ZFAT: variants seen among roughly 807,000 people sequenced by gnomAD.
The protein encoded by ZFAT is zinc finger protein ZFAT.
In ZFAT, 64 loss-of-function variants were observed where a neutral mutation model predicts 117.7. The observed-to-expected ratio is 0.54, with a 90% CI of 0.44 to 0.67. ZFAT has a LOEUF of 0.67. Among genes scored for constraint, ZFAT ranks in the 30% least tolerant of loss-of-function variants. ZFAT has a pLI of 0.00. For synonymous variants in ZFAT, 679 were observed against 615.0 expected, an observed-to-expected ratio of 1.10 and a Z score of -1.54; for missense variants, 1,433 against 1,584.5, an observed-to-expected ratio of 0.90 and a Z score of 1.62.
intron 12 of ZFAT, among the ~76,000 whole-genome samples, chr8:134,523,515 C>G (rs1451339575): frequency 6.6e-6 from 1 of 152,190 alleles, no homozygotes; most frequent in Non-Finnish European, 1.5e-5. Context: ...CAGCTATTGT[C>G]TATCCTCCAC....
chr8:134,497,943 C>T (rs1328221986), intron 15 of ZFAT, among the ~76,000 whole-genome samples: 1 of 144,210 alleles, frequency 6.9e-6, no homozygotes, highest in East Asian at 2.1e-4. Context: ...GCTGGTTACA[C>T]ACAGAGCCTG....
At chr8:134,696,001 G>A (rs1238775534) in intron 1 of ZFAT, among the ~76,000 whole-genome samples, 1 of 145,382 alleles carries the variant, frequency 6.9e-6, no homozygotes, top group Non-Finnish European at 1.5e-5. Context: ...AACGAATAAG[G>A]TGCCACCCTC....
intron 11 of ZFAT, among the ~76,000 whole-genome samples, chr8:134,556,997 TA>T (rs1196103808): frequency 6.6e-6 from 1 of 152,038 alleles, no homozygotes; most frequent in Non-Finnish European, 1.5e-5. Context: ...ATTTTATAAA[TA>T]TTTACTGATT....
the ZFAT span, among the ~76,000 whole-genome samples, chr8:134,798,996 T>C: frequency 1.3e-5 from 2 of 152,114 alleles, no homozygotes; most frequent in African/African-American, 4.8e-5. Context: ...CTATAAATTA[T>C]AAAATAATGT....
At chr8:134,673,474 T>C in intron 1 of ZFAT, 1 of 216,030 alleles carries the variant, frequency 4.6e-6, no homozygotes, top group Non-Finnish European at 1.0e-5. Flanking sequence ...CTTCTGAGAA[T>C]GCTAGAATTG....
the ZFAT span, among the ~76,000 whole-genome samples, chr8:134,831,975 C>T: frequency 1.3e-5 from 2 of 150,948 alleles, no homozygotes; most frequent in African/African-American, 4.9e-5. Flanking sequence ...CGCCCCAAGG[C>T]ACTCACCTGG....
At chr8:134,618,893 C>T (rs1828919031) in intron 3 of ZFAT, among the ~76,000 whole-genome samples, 1 of 152,128 alleles carries the variant, frequency 6.6e-6, no homozygotes, top group South Asian at 2.1e-4. Context: ...AGAGAGAGAG[C>T]CCTGCCCTCT....
At chr8:134,686,550 A>G (rs76131775) in intron 1 of ZFAT, among the ~76,000 whole-genome samples, 78 of 146,556 alleles carry the variant, frequency 5.3e-4, no homozygotes, top group South Asian at 1.0e-3. Flanking sequence ...AGATATAGGG[A>G]AAAAAAACGA....
chr8:134,483,948 C>A (rs1233746561), intron 15 of ZFAT, among the ~76,000 whole-genome samples: 1 of 152,246 alleles, frequency 6.6e-6, no homozygotes, highest in Non-Finnish European at 1.5e-5. Flanking sequence ...CTGGCTGCCT[C>A]ATTGTCTCAC....
intron 11 of ZFAT, among the ~76,000 whole-genome samples, chr8:134,548,320 AG>A (rs1350356945): frequency 1.3e-5 from 2 of 152,236 alleles, no homozygotes; most frequent in Non-Finnish European, 2.9e-5. Context: ...CAAGACCTGA[AG>A]GAGGTGAGAG....
At chr8:134,698,089 G>C (rs1482468180) in intron 1 of ZFAT, among the ~76,000 whole-genome samples, 2 of 151,810 alleles carry the variant, frequency 1.3e-5, no homozygotes, top group South Asian at 2.1e-4. Flanking sequence ...TTGGGAGGCC[G>C]AGGTGGGTGG....
intron 12 of ZFAT, among the ~76,000 whole-genome samples, chr8:134,524,364 G>T (rs149693533): frequency 6.3e-4 from 96 of 152,308 alleles, no homozygotes; most frequent in East Asian, 3.1e-3. Context: ...GAGGAGGCCA[G>T]CATTCACATC....
At position 134,489,174 on chromosome 8, in the gene ZFAT, A is replaced by G. The variant is rs1446409455; in HGVS notation, c.3493-10453T>C. 2.0e-5 allele frequency among the ~76,000 whole-genome samples: 3 copies of G among 152,014 alleles called. 1 individual carries two copies. The highest frequency in any genetic ancestry group is 1.9e-4 in the East Asian group (1 of 5,184). On this transcript the variant is annotated intron_variant, in intron 15 of 15. Transcript: ENST00000377838. ...TCAGACCCCCAAGCTCACTCCCCTG[A>G]GGTGTAGGAGGGGACTATGGGGAAG...
intron 10 of ZFAT, among the ~76,000 whole-genome samples, chr8:134,566,861 C>T (rs1253343323): frequency 6.6e-6 from 1 of 152,186 alleles, no homozygotes; most frequent in African/African-American, 2.4e-5. Context: ...TCTTCTGTTC[C>T]TTTGACTCTG....
At chr8:134,612,027 A>G (rs887410283) in intron 3 of ZFAT, among the ~76,000 whole-genome samples, 1 of 152,268 alleles carries the variant, frequency 6.6e-6, no homozygotes, top group Non-Finnish European at 1.5e-5. Flanking sequence ...TTTGAGAGCC[A>G]TCTCTTGAAT....
At position 134,690,314 on chromosome 8, in the gene ZFAT, C is replaced by T. The variant is rs760494899; in HGVS notation, c.19+22531G>A. On this transcript the variant is annotated intron_variant, in intron 1 of 15. Transcript: ENST00000377838. ...GACTTAGAACCTGCAGACCAAGTCC[C>T]TGTCCGCACTGTTACAGGAGAGGCA... Among the ~76,000 whole-genome samples, 29 of 152,230 alleles carry T rather than the reference C, an allele frequency of 1.9e-4. 1 individual carries two copies. The highest frequency in any genetic ancestry group is 2.2e-4 in the Non-Finnish European group (15 of 68,050).
chr8:134,691,444 CAT>C (rs1563767176), intron 1 of ZFAT, among the ~76,000 whole-genome samples: 1 of 152,242 alleles, frequency 6.6e-6, no homozygotes, highest in African/African-American at 2.4e-5. Flanking sequence ...CATTCACACA[CAT>C]GTCCCCTAGG....
intron 11 of ZFAT, among the ~76,000 whole-genome samples, chr8:134,548,264 A>T (rs1017011451): frequency 3.3e-5 from 5 of 152,270 alleles, no homozygotes; most frequent in Admixed American, 2.6e-4. Context: ...AAGTAAATAT[A>T]TAACCCATTG....
At chr8:134,565,864 C>A (rs1368745477) in intron 10 of ZFAT, among the ~76,000 whole-genome samples, 6 of 152,176 alleles carry the variant, frequency 3.9e-5, no homozygotes, top group Non-Finnish European at 8.8e-5. Context: ...AGTGTGAGGT[C>A]TGCAGAAATT....
Sources: allele counts gnomAD v4.1 joint callset (sites outside exome capture counted in the v4.1 genomes callset), GRCh38; gene constraint gnomAD v4.1.1; transcripts MANE v1.5; gene names NCBI Gene and HGNC (gene_info 2026-07-23, HGNC 2026-07-21).